Variants in AGT observed in about 807,000 individuals in gnomAD.
AGT encodes alpha-1 antiproteinase, antitrypsin.
A neutral mutation model predicts 28.1 loss-of-function variants in AGT; 26 were observed. The observed-to-expected ratio is 0.92, with a 90% CI of 0.68 to 1.28. The LOEUF (loss-of-function observed/expected upper bound fraction) is 1.28. Ranked by LOEUF, AGT falls within the 50% of genes most tolerant of loss-of-function variation. The pLI is 0.00. For missense variants in AGT, 596 were observed against 592.3 expected, an observed-to-expected ratio of 1.01 and a Z score of -0.06; for synonymous variants, 259 against 259.6, an observed-to-expected ratio of 1.00 and a Z score of 0.02.
Position 230,705,763 on chromosome 1 carries a change from A to G in AGT, c.1097+170T>C, listed in dbSNP as rs2478523. ...CTGGAGAGCTGGGTGCTGGCTGGAT[A>G]GAGGACTGGTAGACAGACACACAGG... is the stretch of plus-strand genomic sequence containing the variant. On this transcript the variant is annotated intron_variant, in intron 3 of 4. Coordinates refer to ENST00000366667, the MANE Select transcript of AGT (RefSeq NM_001384479.1). 0.5 allele frequency among the ~76,000 whole-genome samples: 76,140 copies of G among 152,124 alleles called. 22,113 individuals are homozygous for G. The highest frequency in any genetic ancestry group is 0.8 in the African/African-American group (33,402 of 41,518).
At chr1:230,735,068 G>A (rs1664133954) in intron 1 of AGT, among the ~76,000 whole-genome samples, 2 of 152,160 alleles carry the variant, frequency 1.3e-5, no homozygotes, top group African/African-American at 4.8e-5. Flanking sequence ...CCCTGGAGGA[G>A]AGGGTCGCTC....
Sources: allele counts gnomAD v4.1 joint callset (sites outside exome capture counted in the v4.1 genomes callset), GRCh38; gene constraint gnomAD v4.1.1; transcripts MANE v1.5; gene names NCBI Gene and HGNC (gene_info 2026-07-23, HGNC 2026-07-21).